Variants in RYR2 observed in about 807,000 individuals in gnomAD.
The protein encoded by RYR2 is ryanodine receptor 2.
RYR2 carries 227 observed loss-of-function variants against 601.1 expected under a neutral mutation model. The observed-to-expected ratio is 0.38, with a 90% CI of 0.34 to 0.42. RYR2 has a LOEUF of 0.42. RYR2 is among the 10% of genes least tolerant of loss of function. The pLI is 1.00. For missense variants in RYR2, 4,646 were observed against 6,156.5 expected (o/e 0.75, Z 8.21); for synonymous variants, 2,223 against 2,175.1 (o/e 1.02, Z -0.61).
intron 1 of RYR2, among the ~76,000 whole-genome samples, chr1:237,153,408 C>CTG (rs376293156): frequency 1.7e-4 from 26 of 152,078 alleles, no homozygotes; most frequent in African/African-American, 4.8e-4. Context: ...CTAAACTGTT[C>CTG]TGTGTGTGTG....
At chr1:237,241,803 C>G (rs1432431006) in intron 1 of RYR2, among the ~76,000 whole-genome samples, 1 of 152,142 alleles carries the variant, frequency 6.6e-6, no homozygotes, top group Non-Finnish European at 1.5e-5. Flanking sequence ...TTGTCATGGC[C>G]TTTGTAAACT....
At chr1:237,705,613 T>A (rs1285107538) in intron 67 of RYR2, among the ~76,000 whole-genome samples, 1 of 152,114 alleles carries the variant, frequency 6.6e-6, no homozygotes, top group Non-Finnish European at 1.5e-5. Context: ...GTGTTGATTG[T>A]GAGAGCTCCT....
rs549990913 is a variant in RYR2, at chr1:237,115,662, G to A, written c.48+73093G>A. 7.9e-5 allele frequency among the ~76,000 whole-genome samples: 12 copies of A among 152,308 alleles called. No homozygotes were observed. The East Asian group carries it at 2.3e-3, about 29-fold the overall frequency. The stretch of plus-strand genomic sequence containing the variant: ...TGTGATGAAGCCCCAAACAGTGGAA[G>A]TCAGCTCTGATTTCAAAATAGACGC... On this transcript the variant is annotated intron_variant, in intron 1 of 104. Transcript: ENST00000366574.
intron 17 of RYR2, among the ~76,000 whole-genome samples, chr1:237,485,578 A>G (rs950970791): frequency 1.3e-5 from 2 of 152,198 alleles, no homozygotes; most frequent in African/African-American, 4.8e-5. Context: ...GCAGTCTTAG[A>G]CGGTGGGAGT....
At position 237,348,756 on chromosome 1, in the gene RYR2, A is replaced by T. The variant is rs1334519593; in HGVS notation, c.274-7209A>T. Among the ~76,000 whole-genome samples the T allele has an allele frequency of 2.0e-5, 3 of 152,140 alleles. No homozygotes were observed. The East Asian group carries it at 5.8e-4, about 29-fold the overall frequency. Reference sequence around the variant, plus strand: ...AAAAAAGATCTGACAGTAGAAATAGACCCATAAGTGATCCAGATATTGGAA... The same window carrying T: ...AAAAAAGATCTGACAGTAGAAATAGTCCCATAAGTGATCCAGATATTGGAA... On this transcript the variant is annotated intron_variant, in intron 3 of 104. Coordinates refer to ENST00000366574, the MANE Select transcript of RYR2 (RefSeq NM_001035.3).
At chr1:237,299,626 T>C (rs1172830261) in intron 2 of RYR2, among the ~76,000 whole-genome samples, 2 of 152,306 alleles carry the variant, frequency 1.3e-5, no homozygotes, top group Non-Finnish European at 2.9e-5. Context: ...TCTAAGTATA[T>C]TATCCCTGAG....
intron 14 of RYR2, among the ~76,000 whole-genome samples, chr1:237,451,229 T>A (rs1288141372): frequency 6.6e-6 from 1 of 152,090 alleles, no homozygotes; most frequent in East Asian, 1.9e-4. Context: ...TATTCTACGT[T>A]CTATACAACA....
intron 33 of RYR2, 47 bp downstream of exon 33, chr1:237,593,683 T>C (rs1014708378): frequency 1.9e-6 from 3 of 1,574,754 alleles, no homozygotes; most frequent in Non-Finnish European, 2.6e-6. Flanking sequence ...GAAAAAAATA[T>C]TGGTGAACCT....
intron 1 of RYR2, among the ~76,000 whole-genome samples, chr1:237,198,849 T>C (rs1026530184): frequency 2.0e-5 from 3 of 152,036 alleles, no homozygotes; most frequent in Non-Finnish European, 2.9e-5. Flanking sequence ...TATCTTTTTT[T>C]TTTTTATTTT....
intron 27 of RYR2, among the ~76,000 whole-genome samples, chr1:237,556,879 C>CTAAAA (rs1670946498): frequency 2.6e-5 from 1 of 37,762 alleles, no homozygotes; most frequent in African/African-American, 1.3e-4. Context: ...TTCCCTCCCA[C>CTAAAA]CAAAAAAAAA....
intron 1 of RYR2, among the ~76,000 whole-genome samples, chr1:237,095,281 C>T (rs372711259): frequency 5.3e-5 from 8 of 152,150 alleles, no homozygotes; most frequent in Non-Finnish European, 8.8e-5. Context: ...GGTTGGGTAC[C>T]GTACATTTCT....
At chr1:237,452,127 T>C (rs1004844923) in intron 14 of RYR2, among the ~76,000 whole-genome samples, 4 of 146,674 alleles carry the variant, frequency 2.7e-5, no homozygotes, top group African/African-American at 1.0e-4. Flanking sequence ...ATACTTCTAA[T>C]AGTAATACTC....
chr1:237,406,305 A>G (rs1212258104), intron 10 of RYR2, among the ~76,000 whole-genome samples: 1 of 147,226 alleles, frequency 6.8e-6, no homozygotes, highest in Non-Finnish European at 1.5e-5. Context: ...CTTTCTTACC[A>G]TGTCAAACTG....
At position 237,569,316 on chromosome 1, in the gene RYR2, G is replaced by C; in HGVS notation, c.3595G>C (p.Asp1199His). 1.9e-6 allele frequency: 3 copies of C among 1,613,354 alleles called. No homozygotes were observed. Among genetic ancestry groups the C allele is most frequent in the Non-Finnish European group, 2.5e-6 (3 of 1,179,612 alleles). Residue 1199 changes from aspartate (D) to histidine (H), a missense_variant, in exon 29 of 105, where the codon GAT becomes CAT. Physicochemically the swap from Asp to His is moderately conservative, Grantham distance 81. Transcript: ENST00000366574. ...ELAFKDFDVG[D>H]GFIPVCSLGV... ...GGCTTTCAAGGACTTTGATGTTGGC[G>C]ATGGTAAGTCTACTATGTTTTGTGT...
At chr1:237,234,636 A>T (rs903640867) in intron 1 of RYR2, among the ~76,000 whole-genome samples, 15 of 152,182 alleles carry the variant, frequency 9.9e-5, no homozygotes, top group Admixed American at 2.6e-4. Context: ...TAATTGTAAA[A>T]TTTCTTTTTG....
At chr1:237,318,236 C>T (rs1449056800) in intron 2 of RYR2, among the ~76,000 whole-genome samples, 3 of 152,048 alleles carry the variant, frequency 2.0e-5, no homozygotes, top group African/African-American at 7.2e-5. Context: ...AAACCTGCTC[C>T]AACATAGCTT....
intron 101 of RYR2, among the ~76,000 whole-genome samples, chr1:237,827,718 CA>C (rs1178226210): frequency 2.0e-5 from 3 of 150,934 alleles, no homozygotes; most frequent in Non-Finnish European, 4.4e-5. Flanking sequence ...GCAGGCGGAT[CA>C]CAAGGCCAGG....
Position 237,108,367 on chromosome 1 carries a change from G to A in RYR2, c.48+65798G>A, listed in dbSNP as rs151151089. ...ACTAGGACAAATGAGAGGTCAAAAT[G>A]TCCTCATAGAGGCTTGGCTGGAGGA... On this transcript the variant is annotated intron_variant, in intron 1 of 104. Transcript: ENST00000366574. Among the ~76,000 whole-genome samples the A allele has an allele frequency of 1.1e-4, 16 of 152,308 alleles. No homozygotes were observed. In the East Asian group the frequency reaches 2.3e-3, roughly 22 times the overall value.
chr1:237,306,477 A>C lies in RYR2; in HGVS notation c.169-24401A>C, dbSNP rs115247819. Among the ~76,000 whole-genome samples the C allele has an allele frequency of 5.1e-3, 776 of 152,314 alleles. 9 individuals carry two copies. Among genetic ancestry groups the C allele is most frequent in the African/African-American group, 0.017 (698 of 41,560 alleles). On this transcript the variant is annotated intron_variant, in intron 2 of 104. Transcript: ENST00000366574. ...AGCAAGTTTCACTTATGCACATCCA[A>C]AAATTTTGAGGACATTTAAATTGAT...
Sources: gnomAD v4.1 joint callset for allele counts (sites outside exome capture counted in the v4.1 genomes callset) on GRCh38, gnomAD v4.1.1 for gene constraint, MANE v1.5 for transcripts, NCBI Gene and HGNC (gene_info 2026-07-23, HGNC 2026-07-21) for gene names.